The following SCARB2 variants were observed in gnomAD, a reference collection of about 807,000 sequenced individuals.
SCARB2 encodes scavenger receptor class B member 2.
A neutral mutation model predicts 58.6 loss-of-function variants in SCARB2; 29 were observed. The ratio of observed to expected loss-of-function variants is 0.49; its 90% CI spans 0.37 to 0.67. The LOEUF is 0.67. SCARB2 is among the 30% of genes least tolerant of loss of function. The probability of loss-of-function intolerance (pLI) is 0.00; values close to 1 mark genes in which losing one functional copy is unlikely to be tolerated. For synonymous variants in SCARB2, 195 were observed against 210.1 expected, an observed-to-expected ratio of 0.93 and a Z score of 0.62; for missense variants, 488 against 578.5, an observed-to-expected ratio of 0.84 and a Z score of 1.60.
chr4:76,220,882 G>T (rs1733294195), intron 1 of SCARB2, among the ~76,000 whole-genome samples: 3 of 152,164 alleles, frequency 2.0e-5, no homozygotes, highest in Admixed American at 2.0e-4. Context: ...GCTCACCTGG[G>T]ATCAGCTGGG....
intron 1 of SCARB2, among the ~76,000 whole-genome samples, chr4:76,196,811 C>T (rs1168639962): frequency 6.6e-6 from 1 of 152,212 alleles, no homozygotes; most frequent in Non-Finnish European, 1.5e-5. Flanking sequence ...CCTGCACTTT[C>T]CACCCCTGTT....
rs772501510 is a variant in SCARB2 at position 76,213,520 on chromosome 4, C to T, written c.24G>A (p.Thr8=). MGRCCFY[T]AGTLSLLLLV... is the part of the protein sequence containing the mutation. ...GCAGGAGCAGGGACAACGTCCCCGC[C>T]GTGTAGAAGCAGCATCGGCCCATTC... is the stretch of plus-strand genomic sequence containing the variant. The change falls in exon 1 of 12, where the codon ACG becomes ACA. Residue 8 remains threonine, a synonymous_variant. Coordinates refer to ENST00000264896, the MANE Select transcript of SCARB2 (RefSeq NM_005506.4). The T allele has an allele frequency of 1.2e-5, 20 of 1,610,170 alleles. No homozygotes were observed. The African/African-American group carries it at 2.4e-4, about 19-fold the overall frequency.
chr4:76,225,918 A>T (rs1412630784), intron 1 of SCARB2, among the ~76,000 whole-genome samples: 1 of 152,154 alleles, frequency 6.6e-6, no homozygotes, highest in Non-Finnish European at 1.5e-5. Flanking sequence ...TGATTTAGGG[A>T]GGATTTCCTC....
Position 76,230,449 on chromosome 4 carries a change from A to G in SCARB2, c.-358+3854T>C, listed in dbSNP as rs533957672. 1.1e-3 allele frequency among the ~76,000 whole-genome samples: 172 copies of G among 152,110 alleles called. 1 individual carries two copies. The highest frequency in any genetic ancestry group is 7.5e-4 in the Non-Finnish European group (51 of 68,008). On this transcript the variant is annotated intron_variant, in intron 1 of 11. Transcript: ENST00000638295. ...CCAGGCTATAAGCTTCCCTGCTGAG[A>G]AAGCAAGCATCACTTTCAGGCCTCA...
chr4:76,229,752 G>A (rs753959071), intron 1 of SCARB2, among the ~76,000 whole-genome samples: 1 of 152,222 alleles, frequency 6.6e-6, no homozygotes, highest in African/African-American at 2.4e-5. Flanking sequence ...GGGGAGTGAA[G>A]TAGACTCTGT....
chr4:76,191,715 TTCTCTCTCTTTCTC>T (rs1317618131), intron 2 of SCARB2: 1 of 152,068 alleles, frequency 6.6e-6, no homozygotes, highest in Non-Finnish European at 1.5e-5. Flanking sequence ...CTTTTCTTTC[TTCTCTCTCTTTCTC>T]TCTCTCTCCC....
intron 5 of SCARB2, chr4:76,176,157 A>G (rs1263851880): frequency 1.6e-6 from 1 of 608,690 alleles, no homozygotes; most frequent in Admixed American, 3.0e-5. Context: ...TTTGTGCTGT[A>G]GCTACTACAC....
At chr4:76,219,931 G>T (rs761182708) in intron 1 of SCARB2, among the ~76,000 whole-genome samples, 15 of 152,202 alleles carry the variant, frequency 9.9e-5, no homozygotes, top group Non-Finnish European at 2.1e-4. Flanking sequence ...TACAACAGTT[G>T]TAAGCATTTC....
chr4:76,195,683 A>G, intron 2 of SCARB2, 24 bp downstream of exon 2: 7 of 1,610,696 alleles, frequency 4.3e-6, no homozygotes, highest in Non-Finnish European at 5.9e-6. Context: ...ATTTCTTTCA[A>G]GACAGGAGGT....
intron 7 of SCARB2, chr4:76,172,947 G>A (rs1040170463): frequency 2.6e-5 from 4 of 152,122 alleles, no homozygotes; most frequent in African/African-American, 9.7e-5. Context: ...GGAATCACAG[G>A]GCAAATATGA....
rs1560701243 is a variant in SCARB2 at position 76,159,247 on chromosome 4, T to C, written c.*2466A>G. On this transcript the variant is annotated 3_prime_UTR_variant, in exon 12 of 12. Transcript: ENST00000264896. Reference sequence around the variant, plus strand: ...ACAGTGCTTACAATCACAAAGCCTTTGGGGGTCTTTCTAAGATAACTGCCG... The same window carrying C: ...ACAGTGCTTACAATCACAAAGCCTTCGGGGGTCTTTCTAAGATAACTGCCG... The C allele has an allele frequency of 2.0e-5, 3 of 152,200 alleles. No homozygotes were observed. Among genetic ancestry groups the C allele is most frequent in the African/African-American group, 7.2e-5 (3 of 41,444 alleles). The allele number at this position is 152,200 out of a possible 1,614,324, so 9.4% of individuals were successfully genotyped here.
intron 2 of SCARB2, among the ~76,000 whole-genome samples, chr4:76,184,260 T>A (rs914997740): frequency 6.6e-6 from 1 of 152,210 alleles, no homozygotes; most frequent in Non-Finnish European, 1.5e-5. Flanking sequence ...CAACCTCTCC[T>A]AACAGGTACC....
At position 76,213,619 on chromosome 4, in the gene SCARB2, G is replaced by A. The variant is rs1437294035; in HGVS notation, c.-76C>T. ...CTGCAAGGAGGGAGGAGCCGCCGCAGAGGCGTCGAAGACCCGGGACCCTTC... is the reference window on the plus strand; with the variant it reads ...CTGCAAGGAGGGAGGAGCCGCCGCAAAGGCGTCGAAGACCCGGGACCCTTC... On this transcript the variant is annotated 5_prime_UTR_variant, in exon 1 of 12. Transcript: ENST00000264896. 2 of 1,249,270 alleles carry A rather than the reference G, an allele frequency of 1.6e-6. No homozygotes were observed. Among genetic ancestry groups the A allele is most frequent in the Non-Finnish European group, 2.3e-6 (2 of 862,408 alleles). The allele number at this position is 1,249,270 out of a possible 1,614,324, so 77.4% of individuals were successfully genotyped here.
intron 2 of SCARB2, among the ~76,000 whole-genome samples, chr4:76,182,016 A>C (rs530270292): frequency 1.3e-5 from 2 of 152,240 alleles, no homozygotes; most frequent in South Asian, 4.1e-4. Flanking sequence ...ATCAAGATAA[A>C]TAGTTTAATG....
chr4:76,207,214 C>T (rs1029275420), intron 1 of SCARB2, among the ~76,000 whole-genome samples: 11 of 151,982 alleles, frequency 7.2e-5, no homozygotes, highest in Admixed American at 4.6e-4. Context: ...CCAGAGGTTA[C>T]GTGATATATA....
At chr4:76,190,258 C>T (rs1270611258) in intron 2 of SCARB2, among the ~76,000 whole-genome samples, 1 of 152,084 alleles carries the variant, frequency 6.6e-6, no homozygotes, top group Non-Finnish European at 1.5e-5. Flanking sequence ...GATCTGCCCA[C>T]CTCAACCCCC....
In SCARB2 at chr4:76,203,901, G is replaced by A. The variant is rs192659201; in HGVS notation, c.118-8037C>T. Among the ~76,000 whole-genome samples, 10 of 152,332 alleles carry A rather than the reference G, an allele frequency of 6.6e-5. No individual in the cohort carries two copies. In the East Asian group the frequency reaches 1.7e-3, roughly 26 times the overall value. On this transcript the variant is annotated intron_variant, in intron 1 of 11. Coordinates refer to ENST00000264896, the MANE Select transcript of SCARB2 (RefSeq NM_005506.4). ...CTCAGGGAATCCATTAGGCTTTCAC[G>A]GGAATCAGTAATACCTTTAAGGAAA...
chr4:76,221,044 C>G lies in SCARB2; in HGVS notation c.-358+13259G>C, dbSNP rs575973010. On this transcript the variant is annotated intron_variant, in intron 1 of 11. Transcript: ENST00000638295. ...GTCCCTCACTGATTCCTAATCAACT[C>G]CTGTAAAGAGTCAGCTCCCTAAGTC... Among the ~76,000 whole-genome samples the G allele has an allele frequency of 1.5e-3, 221 of 152,312 alleles. 1 individual carries two copies. The highest frequency in any genetic ancestry group is 2.6e-3 in the Non-Finnish European group (177 of 68,026).
intron 2 of SCARB2, chr4:76,194,644 G>A (rs1732673788): frequency 6.6e-6 from 1 of 152,156 alleles, no homozygotes; most frequent in Non-Finnish European, 1.5e-5. Flanking sequence ...GAATTGTCAG[G>A]CATTTTTATC....
Sources: gnomAD v4.1 joint callset for allele counts (sites outside exome capture counted in the v4.1 genomes callset) on GRCh38, gnomAD v4.1.1 for gene constraint, MANE v1.5 for transcripts, NCBI Gene and HGNC (gene_info 2026-07-23, HGNC 2026-07-21) for gene names.